ARHGEF18: variants seen among roughly 807,000 people sequenced by gnomAD.
The protein encoded by ARHGEF18 is Rho/Rac guanine nucleotide exchange factor 18, also known as rho guanine nucleotide exchange factor 18.
ARHGEF18 carries 93 observed loss-of-function variants against 155.7 expected under a neutral mutation model. The observed-to-expected ratio is 0.60, with a 90% CI of 0.50 to 0.71. The LOEUF is 0.71. ARHGEF18 is among the 30% of genes least tolerant of loss of function. The pLI is 0.00. For missense variants in ARHGEF18, 1,593 were observed against 1,816.1 expected (o/e 0.88, Z 2.23); for synonymous variants, 742 against 753.1 (o/e 0.99, Z 0.24).
At chr19:7,456,781 G>A (rs1180939292) in intron 18 of ARHGEF18, among the ~76,000 whole-genome samples, 2 of 152,150 alleles carry the variant, frequency 1.3e-5, no homozygotes, top group East Asian at 1.9e-4. Flanking sequence ...AACAGACGAA[G>A]GGCCCTGCTT....
In ARHGEF18 at chr19:7,372,970, A is replaced by T; in HGVS notation, c.174A>T (p.Glu58Asp). Reference sequence around the variant, plus strand: ...CAGACAGCCGCCCCACCGGTGAAGAACCAGGAAGAGATTCTCTTTTCTCCA... The same window carrying T: ...CAGACAGCCGCCCCACCGGTGAAGATCCAGGAAGAGATTCTCTTTTCTCCA... ...ETPDSRPTGEEPGRDSLFSSL... is the reference protein window; with the variant it reads ...ETPDSRPTGEDPGRDSLFSSL... Residue 58 changes from glutamate to aspartate, a missense_variant, in exon 3 of 29, where the codon GAA (glutamate) becomes GAT (aspartate). By Grantham distance (45) the Glu-to-Asp change is conservative. Coordinates refer to ENST00000668164, the MANE Select transcript of ARHGEF18 (RefSeq NM_001367823.1). 8.1e-7 allele frequency: 1 copy of T among 1,234,596 alleles called. No homozygotes were observed. The highest frequency in any genetic ancestry group is 1.0e-6 in the Non-Finnish European group (1 of 988,324). 76.5% of individuals were successfully genotyped at this position (1,234,596 alleles called of 1,614,324 possible).
At chr19:7,429,695 C>T (rs956734829) in intron 10 of ARHGEF18, among the ~76,000 whole-genome samples, 5 of 152,144 alleles carry the variant, frequency 3.3e-5, no homozygotes, top group South Asian at 2.1e-4. Context: ...ATCCCACAGA[C>T]GCCCCCCAAG....
chr19:7,478,344 C>T, the ARHGEF18 span: 2 of 1,611,372 alleles, frequency 1.2e-6, no homozygotes, highest in Non-Finnish European at 1.7e-6. Context: ...GCTCCGCAGC[C>T]TCTGTCTCAG....
At chr19:7,448,216 C>T (rs915400939) in intron 15 of ARHGEF18, among the ~76,000 whole-genome samples, 1 of 152,102 alleles carries the variant, frequency 6.6e-6, no homozygotes, top group Non-Finnish European at 1.5e-5. Context: ...CCGTCTGTCT[C>T]AAGGAGGGTT....
chr19:7,356,995 G>A (rs913100087), intron 1 of ARHGEF18, among the ~76,000 whole-genome samples: 2 of 152,206 alleles, frequency 1.3e-5, no homozygotes, highest in African/African-American at 2.4e-5. Flanking sequence ...TAGGGGGAGA[G>A]AGGATGGCCT....
At chr19:7,358,214 C>CA (rs1969395161) in intron 1 of ARHGEF18, among the ~76,000 whole-genome samples, 4 of 141,988 alleles carry the variant, frequency 2.8e-5, no homozygotes, top group Non-Finnish European at 5.9e-5. Flanking sequence ...ACCATCCATC[C>CA]TTCCATCCAT....
In ARHGEF18 at chr19:7,471,369, T is replaced by A. The variant is rs1313778419; in HGVS notation, c.*1071T>A. The A allele has an allele frequency of 6.6e-6, 1 of 152,472 alleles. No individual in the cohort carries two copies. Among genetic ancestry groups the A allele is most frequent in the Non-Finnish European group, 1.5e-5 (1 of 68,258 alleles). The allele number at this position is 152,472 out of a possible 1,614,324, so 9.4% of individuals were successfully genotyped here. On this transcript the variant is annotated 3_prime_UTR_variant, in exon 29 of 29. Coordinates refer to ENST00000668164, the MANE Select transcript of ARHGEF18 (RefSeq NM_001367823.1). This position sits in a 1 kb window ranked among gnomAD's most constrained non-coding sequence, Gnocchi z 4.4. ...CCTGGAGGGGTGGAGGAAGGAGGTG[T>A]TGGGCAGCATCAAAGGTGCTGGGAC...
At position 7,403,703 on chromosome 19, in the gene ARHGEF18, AATTTTTT is replaced by A. The variant is rs1328203665; in HGVS notation, c.967+20508_967+20514del. Among the ~76,000 whole-genome samples, 8 of 152,030 alleles carry A rather than the reference AATTTTTT, an allele frequency of 5.3e-5. No individual in the cohort carries two copies. In the South Asian group the frequency reaches 6.2e-4, roughly 12 times the overall value. On this transcript the variant is annotated intron_variant, in intron 10 of 28. Transcript: ENST00000668164. ...CAGGTGTGCGCCACCGTGCCCGGCT[AATTTTTT>A]ATTTTTTGTAGAGATGAAGCCTCGC...
At chr19:7,378,902 A>T (rs996580895) in intron 6 of ARHGEF18, among the ~76,000 whole-genome samples, 1 of 151,932 alleles carries the variant, frequency 6.6e-6, no homozygotes, top group African/African-American at 2.4e-5. Flanking sequence ...CATGTTGGCC[A>T]GGCTGGTCTC....
rs568927341 is a variant in ARHGEF18 at position 7,376,828 on chromosome 19, C to A, written c.541+71C>A. ...GAGGAGCCTGGCCAACATGGTGAAA[C>A]CCTGTTGGGGTTTCATCCTTCATCC... On this transcript the variant is annotated intron_variant, in intron 5 of 28. Coordinates refer to ENST00000668164, the MANE Select transcript of ARHGEF18 (RefSeq NM_001367823.1). 1.0e-4 allele frequency: 112 copies of A among 1,078,758 alleles called. No individual in the cohort carries two copies. The African/African-American group carries it at 1.7e-3, about 16-fold the overall frequency. 66.8% of individuals were successfully genotyped at this position (1,078,758 alleles called of 1,614,324 possible).
Position 7,408,740 on chromosome 19 carries a change from C to T in ARHGEF18, c.967+25537C>T, listed in dbSNP as rs960411620. 2.0e-5 allele frequency among the ~76,000 whole-genome samples: 3 copies of T among 152,234 alleles called. No individual in the cohort carries two copies. The East Asian group carries it at 5.8e-4, about 29-fold the overall frequency. ...TGTTCAACATAGAGTTTGAGTCCCCCCAGATGAAAACAACAAGACCGGCTG... is the reference window on the plus strand; with the variant it reads ...TGTTCAACATAGAGTTTGAGTCCCCTCAGATGAAAACAACAAGACCGGCTG... On this transcript the variant is annotated intron_variant, in intron 10 of 28. Coordinates refer to ENST00000668164, the MANE Select transcript of ARHGEF18 (RefSeq NM_001367823.1).
intron 10 of ARHGEF18, among the ~76,000 whole-genome samples, chr19:7,428,381 C>T (rs1464663555): frequency 6.6e-6 from 1 of 151,690 alleles, no homozygotes; most frequent in African/African-American, 2.4e-5. Flanking sequence ...CTGGTGAGCC[C>T]ACGGCCTGTT....
At chr19:7,477,425 CG>C, downstream of ARHGEF18, 1 of 1,450,816 alleles carries the variant, frequency 6.9e-7, no homozygotes. Context: ...CCGCTTGCCC[CG>C]GGGCAGCGGG....
chr19:7,464,560 A>G lies in ARHGEF18; in HGVS notation c.2774A>G (p.Asn925Ser), dbSNP rs202006614. ...GYDCTNSPTKNGSFKKKVSST... is the reference protein window; with the variant it reads ...GYDCTNSPTKSGSFKKKVSST... ...CATGCCCCTGGCTTGGGGTTCTCAGATGGCAGTTTCAAGAAGAAAGTCAGC... is the reference window on the plus strand; with the variant it reads ...CATGCCCCTGGCTTGGGGTTCTCAGGTGGCAGTTTCAAGAAGAAAGTCAGC... The change falls in exon 23 of 29, where the codon AAT (asparagine) becomes AGT (serine). Residue 925 changes from asparagine to serine, a missense_variant and splice_region_variant. Asn to Ser is a conservative substitution (Grantham distance 46, BLOSUM62 1). Transcript: ENST00000668164. 1.2e-6 allele frequency: 2 copies of G among 1,608,458 alleles called. No homozygotes were observed. Among genetic ancestry groups the G allele is most frequent in the East Asian group, 4.5e-5 (2 of 44,680 alleles).
At chr19:7,427,255 C>T (rs12980030) in intron 10 of ARHGEF18, among the ~76,000 whole-genome samples, 86,974 of 151,992 alleles carry the variant, frequency 0.57, 25,154 homozygotes, top group East Asian at 0.75. Context: ...GCCTCACTTT[C>T]GCAAGGTGGG....
At chr19:7,476,890 TTTAA>T (rs1977240845), downstream of ARHGEF18, 6 of 336,230 alleles carry the variant, frequency 1.8e-5, no homozygotes, top group African/African-American at 1.1e-4. Context: ...CACCACAATG[TTTAA>T]TTGATTCCCG....
intron 10 of ARHGEF18, among the ~76,000 whole-genome samples, chr19:7,432,923 GT>G (rs1974043926): frequency 6.6e-6 from 1 of 152,258 alleles, no homozygotes; most frequent in Non-Finnish European, 1.5e-5. Context: ...ACTTTGGGAA[GT>G]CGAAGCGGGA....
At chr19:7,403,545 C>CTT (rs1367341392) in intron 10 of ARHGEF18, among the ~76,000 whole-genome samples, 7 of 141,266 alleles carry the variant, frequency 5.0e-5, no homozygotes, top group African/African-American at 2.2e-4. Flanking sequence ...TTCTTTCTTT[C>CTT]TTTCTTTCTT....
intron 10 of ARHGEF18, among the ~76,000 whole-genome samples, chr19:7,385,823 A>ATCTCTC (rs1288367668): frequency 5.3e-4 from 39 of 73,744 alleles, no homozygotes; most frequent in Non-Finnish European, 6.8e-4. Context: ...GATAGGATCT[A>ATCTCTC]TCTCTCTCTA....
Sources: gnomAD v4.1 joint callset for allele counts (sites outside exome capture counted in the v4.1 genomes callset) on GRCh38, gnomAD v4.1.1 for gene constraint, Gnocchi (gnomAD v3.1) non-coding constraint, MANE v1.5 for transcripts, NCBI Gene and HGNC (gene_info 2026-07-23, HGNC 2026-07-21) for gene names.